The following RBM6 variants were observed in gnomAD, a reference collection of about 807,000 sequenced individuals.
RBM6 encodes RNA-binding protein 6.
In RBM6, 23 loss-of-function variants were observed where a neutral mutation model predicts 140.4. The ratio of observed to expected loss-of-function variants is 0.16; its 90% CI spans 0.12 to 0.23. The LOEUF is 0.23. Ranked by LOEUF, RBM6 falls within the 10% of genes least tolerant of loss-of-function variation. The pLI is 1.00. For synonymous variants in RBM6, 439 were observed against 475.6 expected, an observed-to-expected ratio of 0.92 and a Z score of 1.00; for missense variants, 1,139 against 1,386.7, an observed-to-expected ratio of 0.82 and a Z score of 2.84.
chr3:50,004,121 A>G (rs2086465444), intron 6 of RBM6, among the ~76,000 whole-genome samples: 1 of 151,884 alleles, frequency 6.6e-6, no homozygotes. Context: ...AGGGATTAGC[A>G]TTTTATGTTC....
At position 49,967,525 on chromosome 3, in the gene RBM6, C is replaced by A; in HGVS notation, c.100C>A (p.Pro34Thr). The A allele has an allele frequency of 6.2e-7, 1 of 1,614,158 alleles. No homozygotes were observed. The highest frequency in any genetic ancestry group is 8.5e-7 in the Non-Finnish European group (1 of 1,180,036). The change falls in exon 3 of 21, where the codon CCC (proline) becomes ACC (threonine). Residue 34 changes from proline to threonine, a missense_variant. Pro to Thr is a conservative substitution (Grantham distance 38, BLOSUM62 -1). Around this residue, in one of 9 missense-constraint regions of RBM6, gnomAD observed 566 missense variants for 612.7 expected, o/e 0.92. Coordinates refer to ENST00000266022, the MANE Select transcript of RBM6 (RefSeq NM_005777.3). This position sits in a 1 kb window ranked among gnomAD's most constrained non-coding sequence, Gnocchi z 4.0. ...GTGGAACAGGGATTATCCTCCTCCTCCCCTTAAGAGTCATGCTCAAGAGAG... is the reference window on the plus strand; with the variant it reads ...GTGGAACAGGGATTATCCTCCTCCTACCCTTAAGAGTCATGCTCAAGAGAG... ...PGWNRDYPPP[P>T]LKSHAQERHS...
chr3:50,045,037 A>G (rs2089151649), intron 6 of RBM6, among the ~76,000 whole-genome samples: 1 of 152,212 alleles, frequency 6.6e-6, no homozygotes, highest in African/African-American at 2.4e-5. Flanking sequence ...TGCCCGAGTT[A>G]TAGATGATTC....
At chr3:50,009,868 A>C (rs2086760697) in intron 6 of RBM6, among the ~76,000 whole-genome samples, 1 of 151,956 alleles carries the variant, frequency 6.6e-6, no homozygotes, top group Non-Finnish European at 1.5e-5. Context: ...AGCCTAGAAT[A>C]ATTATTATTT....
chr3:49,949,072 G>A (rs889152493), intron 1 of RBM6, among the ~76,000 whole-genome samples: 2 of 150,994 alleles, frequency 1.3e-5, no homozygotes, highest in South Asian at 2.1e-4. Context: ...CTTGTGATCC[G>A]CTGGCCTCAG....
intron 6 of RBM6, among the ~76,000 whole-genome samples, chr3:50,012,738 C>CTT (rs1354297345): frequency 1.9e-4 from 23 of 120,840 alleles, no homozygotes; most frequent in South Asian, 2.5e-4. Flanking sequence ...TAGATTCTAC[C>CTT]TTTTTTTTTT....
At chr3:50,060,753 CAAAAAAAAAAAA>C (rs35467618) in intron 11 of RBM6, 191 bp from the exon 12 acceptor site, 11 of 124,876 alleles carry the variant, frequency 8.8e-5, no homozygotes, top group Admixed American at 6.5e-4. Flanking sequence ...GACTCCGTCT[CAAAAAAAAAAAA>C]AAAAAAAAAA....
chr3:49,999,358 C>T (rs866163595), intron 5 of RBM6, 82 bp from the exon 6 acceptor site: 1 of 1,249,664 alleles, frequency 8.0e-7, no homozygotes, highest in Non-Finnish European at 1.2e-6. Context: ...TTAAGGGGTT[C>T]AGAAACAGGG....
chr3:50,047,085 C>T, intron 6 of RBM6: 3 of 844,446 alleles, frequency 3.6e-6, no homozygotes, highest in Non-Finnish European at 4.3e-6. Context: ...GGTAGATGGG[C>T]AATTTTCCTT....
At position 49,968,378 on chromosome 3, in the gene RBM6, A is replaced by G. The variant is rs765679845; in HGVS notation, c.953A>G (p.His318Arg). Residue 318 changes from histidine (H) to arginine (R), a missense_variant, in exon 3 of 21, where the codon CAT becomes CGT. This residue lies in a region of RBM6 where 566 missense variants were observed against 612.7 expected (regional missense o/e 0.92). Transcript: ENST00000266022. ...MNVNRREEST[H>R]DHTIERPAFG... is the part of the protein sequence containing the mutation. ...GTGAACAGGAGAGAAGAATCCACAC[A>G]TGACCATACGATAGAAAGGCCTGCT... The G allele has an allele frequency of 1.4e-5, 22 of 1,614,228 alleles. No homozygotes were observed. Among genetic ancestry groups the G allele is most frequent in the Middle Eastern group, 1.7e-4 (1 of 6,060 alleles).
At chr3:50,063,798 G>C (rs1231823851) in intron 15 of RBM6, among the ~76,000 whole-genome samples, 1 of 151,826 alleles carries the variant, frequency 6.6e-6, no homozygotes, top group Admixed American at 6.6e-5. Flanking sequence ...CTACTCAGGA[G>C]GCTGAGGCAG....
At chr3:50,055,966 TA>T (rs1166740290) in intron 8 of RBM6, among the ~76,000 whole-genome samples, 1 of 152,180 alleles carries the variant, frequency 6.6e-6, no homozygotes, top group Non-Finnish European at 1.5e-5. Context: ...AGCATGACCA[TA>T]AAATATAGTT....
At position 50,065,019 on chromosome 3, in the gene RBM6, T is replaced by C; in HGVS notation, c.2587-12T>C. 1 of 1,602,732 alleles carries C rather than the reference T, an allele frequency of 6.2e-7. No individual in the cohort carries two copies. The highest frequency in any genetic ancestry group is 8.5e-7 in the Non-Finnish European group (1 of 1,169,876). On this transcript the variant is annotated splice_polypyrimidine_tract_variant and intron_variant, in intron 15 of 20. Transcript: ENST00000266022. Reference sequence around the variant, plus strand: ...GTGAATATCATGTGAGAGTTACCTCTGGTTTGATCAGTTTCAGGAAAATGC... The same window carrying C: ...GTGAATATCATGTGAGAGTTACCTCCGGTTTGATCAGTTTCAGGAAAATGC...
chr3:50,037,898 T>A (rs865895149), intron 6 of RBM6, among the ~76,000 whole-genome samples: 2 of 151,104 alleles, frequency 1.3e-5, no homozygotes, highest in African/African-American at 4.9e-5. Context: ...CTTGGTTCAC[T>A]GCACCCTCCA....
chr3:50,038,749 C>T (rs1006183211), intron 6 of RBM6, among the ~76,000 whole-genome samples: 9 of 152,132 alleles, frequency 5.9e-5, no homozygotes, highest in South Asian at 2.1e-4. Flanking sequence ...AGGAGAATGG[C>T]GTGAACCCAG....
At chr3:49,993,764 G>T (rs1238935573) in intron 5 of RBM6, among the ~76,000 whole-genome samples, 1 of 151,504 alleles carries the variant, frequency 6.6e-6, no homozygotes, top group Non-Finnish European at 1.5e-5. Flanking sequence ...GTGTTTATAA[G>T]ATTTCAAGGT....
At chr3:49,946,489 C>G (rs1172679746) in intron 1 of RBM6, among the ~76,000 whole-genome samples, 1 of 152,096 alleles carries the variant, frequency 6.6e-6, no homozygotes, top group Non-Finnish European at 1.5e-5. Flanking sequence ...ACCCGCCAGC[C>G]TTGGCCTCCC....
At chr3:50,039,428 AG>A (rs2088740582) in intron 6 of RBM6, among the ~76,000 whole-genome samples, 1 of 150,326 alleles carries the variant, frequency 6.7e-6, no homozygotes, top group African/African-American at 2.4e-5. Context: ...TAGTAGAGAC[AG>A]GGTTTCACCA....
chr3:49,977,490 T>A (rs1022063157), intron 5 of RBM6, among the ~76,000 whole-genome samples: 1 of 152,240 alleles, frequency 6.6e-6, no homozygotes, highest in South Asian at 2.1e-4. Context: ...GGTCACTGAT[T>A]GGATTGAATC....
intron 6 of RBM6, among the ~76,000 whole-genome samples, chr3:50,034,174 A>G (rs182908001): frequency 6.0e-5 from 9 of 149,126 alleles, no homozygotes; most frequent in African/African-American, 7.4e-5. Context: ...AGTAGAGACA[A>G]GGTTTCATCA....
Sources: allele counts gnomAD v4.1 joint callset (sites outside exome capture counted in the v4.1 genomes callset), GRCh38; gene constraint gnomAD v4.1.1; regional missense constraint gnomAD v4.1.1; non-coding constraint Gnocchi (gnomAD v3.1); transcripts MANE v1.5; gene names NCBI Gene and HGNC (gene_info 2026-07-23, HGNC 2026-07-21).